RIMS2: variants seen among roughly 807,000 people sequenced by gnomAD.
RIMS2 encodes the protein regulating synaptic membrane exocytosis protein 2.
A neutral mutation model predicts 174.4 loss-of-function variants in RIMS2; 59 were observed. That is an observed-to-expected ratio of 0.34 (90% CI 0.27 to 0.42). RIMS2 has a LOEUF of 0.42. Among genes scored for constraint, RIMS2 ranks in the 10% least tolerant of loss-of-function variants. RIMS2 has a pLI of 1.00. For missense variants in RIMS2, 1,620 were observed against 1,666.3 expected (o/e 0.97, Z 0.48); for synonymous variants, 606 against 572.5 (o/e 1.06, Z -0.84).
intron 3 of RIMS2, among the ~76,000 whole-genome samples, chr8:103,802,383 C>G (rs2098616801): frequency 6.6e-6 from 1 of 152,084 alleles, no homozygotes; most frequent in African/African-American, 2.4e-5. Flanking sequence ...TACATTGCCT[C>G]TAGTTGGGCT....
At chr8:103,674,724 G>A (rs554281596) in intron 1 of RIMS2, among the ~76,000 whole-genome samples, 48 of 151,802 alleles carry the variant, frequency 3.2e-4, no homozygotes, top group African/African-American at 1.1e-3. Context: ...CTGGTTTTTA[G>A]TGAAAACCTA....
intron 19 of RIMS2, among the ~76,000 whole-genome samples, chr8:104,162,114 G>A (rs548504129): frequency 1.1e-4 from 16 of 152,284 alleles, no homozygotes; most frequent in South Asian, 6.2e-4. Flanking sequence ...GCTATGTAAT[G>A]TGGCATATTC....
At chr8:104,150,103 A>G (rs2098677011) in intron 19 of RIMS2, among the ~76,000 whole-genome samples, 1 of 152,038 alleles carries the variant, frequency 6.6e-6, no homozygotes, top group African/African-American at 2.4e-5. Flanking sequence ...GCCTTTTGAA[A>G]TTGAGGTTTT....
intron 1 of RIMS2, among the ~76,000 whole-genome samples, chr8:103,541,793 C>G (rs1205898007): frequency 2.0e-5 from 3 of 152,092 alleles, no homozygotes; most frequent in Non-Finnish European, 1.5e-5. Flanking sequence ...ACAACAAAAA[C>G]ATAAAATGTT....
At chr8:104,079,632 T>TC (rs2097371611) in intron 19 of RIMS2, among the ~76,000 whole-genome samples, 3 of 116,204 alleles carry the variant, frequency 2.6e-5, no homozygotes, top group Non-Finnish European at 3.6e-5. Flanking sequence ...TATATATATA[T>TC]ATATATATAT....
At chr8:103,578,989 C>CA (rs34203614) in intron 1 of RIMS2, among the ~76,000 whole-genome samples, 1,549 of 147,058 alleles carry the variant, frequency 0.011, 11 homozygotes, top group Middle Eastern at 0.024. Flanking sequence ...GACTCTGTCT[C>CA]AAAAAAAAAA....
chr8:103,718,049 T>G (rs781005974), intron 2 of RIMS2, among the ~76,000 whole-genome samples: 3 of 152,230 alleles, frequency 2.0e-5, no homozygotes, highest in Non-Finnish European at 2.9e-5. Flanking sequence ...TACAAGCTCT[T>G]GAACTCATAC....
intron 4 of RIMS2, chr8:103,910,019 C>G: frequency 1.7e-6 from 1 of 602,334 alleles, no homozygotes; most frequent in Non-Finnish European, 3.0e-6. Context: ...GTGAGTGCTA[C>G]AGACAAAGTT....
chr8:103,821,663 A>C (rs1212323869), intron 3 of RIMS2, among the ~76,000 whole-genome samples: 1 of 151,624 alleles, frequency 6.6e-6, no homozygotes, highest in Non-Finnish European at 1.5e-5. Flanking sequence ...TTTTGTGTTC[A>C]CTTTAGATAC....
chr8:103,908,739 A>G (rs2075045715), intron 4 of RIMS2, among the ~76,000 whole-genome samples: 1 of 152,150 alleles, frequency 6.6e-6, no homozygotes, highest in Non-Finnish European at 1.5e-5. Flanking sequence ...AGCCATAATT[A>G]CCTTTCCCAA....
At chr8:103,749,785 T>C (rs550580657) in intron 2 of RIMS2, among the ~76,000 whole-genome samples, 2 of 152,278 alleles carry the variant, frequency 1.3e-5, no homozygotes. Flanking sequence ...ATCAGGTGAT[T>C]ACATAAATGT....
At chr8:103,928,267 A>G (rs2079173083) in intron 11 of RIMS2, among the ~76,000 whole-genome samples, 1 of 151,498 alleles carries the variant, frequency 6.6e-6, no homozygotes, top group Non-Finnish European at 1.5e-5. Flanking sequence ...ATCACTCATT[A>G]TGTCACTTAA....
chr8:104,014,539 C>T (rs762188623), exon 19 of RIMS2: 5 of 1,612,454 alleles, frequency 3.1e-6, no homozygotes, highest in South Asian at 1.1e-5. Context: ...TCCAGACAAG[C>T]CCATCAAGTA....
chr8:103,660,098 TG>T (rs2096579885), intron 1 of RIMS2, among the ~76,000 whole-genome samples: 1 of 152,216 alleles, frequency 6.6e-6, no homozygotes, highest in Non-Finnish European at 1.5e-5. Context: ...CCTGCTGCCG[TG>T]TCCTCAGTGA....
At chr8:103,947,845 G>A (rs1462471744) in intron 14 of RIMS2, among the ~76,000 whole-genome samples, 1 of 152,066 alleles carries the variant, frequency 6.6e-6, no homozygotes, top group Non-Finnish European at 1.5e-5. Flanking sequence ...GAATTTTTCA[G>A]CTCCATCATA....
chr8:103,885,990 C>A, exon 4 of RIMS2: 1 of 1,612,982 alleles, frequency 6.2e-7, no homozygotes, highest in Non-Finnish European at 8.5e-7. Context: ...GATCCTAGCT[C>A]TGCTGTAAGA....
intron 3 of RIMS2, among the ~76,000 whole-genome samples, chr8:103,881,914 A>T (rs545789172): frequency 6.6e-6 from 1 of 151,486 alleles, no homozygotes; most frequent in East Asian, 1.9e-4. Flanking sequence ...TATAACAGAA[A>T]TAAGGATAAT....
intron 3 of RIMS2, among the ~76,000 whole-genome samples, chr8:103,843,688 C>T (rs2098953226): frequency 1.3e-5 from 2 of 152,132 alleles, no homozygotes; most frequent in African/African-American, 4.8e-5. Context: ...AATACTTTAT[C>T]ATAACTATGG....
At chr8:104,057,013 C>G (rs2154559648) in intron 19 of RIMS2, among the ~76,000 whole-genome samples, 1 of 152,076 alleles carries the variant, frequency 6.6e-6, no homozygotes, top group South Asian at 2.1e-4. Flanking sequence ...AGGCATAAAA[C>G]CCTAATCTTC....
Sources: allele counts gnomAD v4.1 joint callset (sites outside exome capture counted in the v4.1 genomes callset), GRCh38; gene constraint gnomAD v4.1.1; transcripts MANE v1.5; gene names NCBI Gene and HGNC (gene_info 2026-07-23, HGNC 2026-07-21).